The following OLFM4 variants were observed in gnomAD, a reference collection of about 807,000 sequenced individuals.
The protein encoded by OLFM4 is olfactomedin 4.
Under a neutral mutation model 25.5 loss-of-function variants are expected in OLFM4, and 22 were observed. The observed-to-expected ratio is 0.86, with a 90% CI of 0.62 to 1.23. OLFM4 has a LOEUF of 1.23. Ranked by LOEUF, OLFM4 falls within the 50% of genes most tolerant of loss-of-function variation. The probability of loss-of-function intolerance (pLI) is 0.00; values close to 1 mark genes in which losing one functional copy is unlikely to be tolerated. For missense variants in OLFM4, 594 were observed against 619.4 expected (o/e 0.96, Z 0.44); for synonymous variants, 255 against 237.7 (o/e 1.07, Z -0.67).
intron 2 of OLFM4, among the ~76,000 whole-genome samples, chr13:53,040,787 G>T (rs971264350): frequency 1.3e-5 from 2 of 152,186 alleles, no homozygotes; most frequent in Non-Finnish European, 2.9e-5. Flanking sequence ...GTTGAAGGGA[G>T]GAGAGATGGC....
At chr13:53,041,352 C>G (rs1954685799) in intron 2 of OLFM4, among the ~76,000 whole-genome samples, 1 of 152,088 alleles carries the variant, frequency 6.6e-6, no homozygotes, top group African/African-American at 2.4e-5. Flanking sequence ...AAGCCATTCT[C>G]CGAAGCAAAT....
At chr13:53,042,789 A>G (rs1954694500) in intron 3 of OLFM4, among the ~76,000 whole-genome samples, 2 of 152,218 alleles carry the variant, frequency 1.3e-5, no homozygotes, top group Admixed American at 6.5e-5. Flanking sequence ...ATACAACATG[A>G]GTAAACACAA....
In OLFM4 at chr13:53,045,603, T is replaced by C. The variant is rs558627530; in HGVS notation, c.730+2339T>C. On this transcript the variant is annotated intron_variant, in intron 4 of 4. Coordinates refer to ENST00000219022, the MANE Select transcript of OLFM4 (RefSeq NM_006418.5). ...TTTAAAATCTGGCCTGTCTGCTTTT[T>C]TCACTGCAGAGTTGCACAGAATAAA... 2.6e-5 allele frequency among the ~76,000 whole-genome samples: 4 copies of C among 152,272 alleles called. No individual in the cohort carries two copies. In the South Asian group the frequency reaches 8.3e-4, roughly 32 times the overall value.
At chr13:53,031,899 C>G (rs1388658094) in intron 1 of OLFM4, among the ~76,000 whole-genome samples, 1 of 152,196 alleles carries the variant, frequency 6.6e-6, no homozygotes. Flanking sequence ...GTCTCCCATC[C>G]CCCATGCTTC....
At chr13:53,043,334 G>T in intron 4 of OLFM4, 70 bp downstream of exon 4, 1 of 1,132,280 alleles carries the variant, frequency 8.8e-7, no homozygotes. Context: ...GTGGGGAAGG[G>T]ATTGGGGATT....
intron 4 of OLFM4, among the ~76,000 whole-genome samples, chr13:53,047,340 A>G (rs1954720949): frequency 6.6e-6 from 1 of 152,108 alleles, no homozygotes; most frequent in Non-Finnish European, 1.5e-5. Flanking sequence ...TGGGCACTGG[A>G]CTGGCTGTCA....
intron 2 of OLFM4, among the ~76,000 whole-genome samples, chr13:53,034,971 T>C (rs1421141058): frequency 6.6e-6 from 1 of 152,160 alleles, no homozygotes; most frequent in Non-Finnish European, 1.5e-5. Flanking sequence ...AGTTTCTTAT[T>C]TCTCTTGCCT....
intron 4 of OLFM4, among the ~76,000 whole-genome samples, chr13:53,045,392 CT>C (rs1954710812): frequency 6.6e-6 from 1 of 152,104 alleles, no homozygotes; most frequent in Non-Finnish European, 1.5e-5. Context: ...TCTCTTCCAG[CT>C]TTGTTCATAT....
chr13:53,033,315 CA>C (rs1469187631), intron 1 of OLFM4, among the ~76,000 whole-genome samples: 1 of 152,140 alleles, frequency 6.6e-6, no homozygotes, highest in African/African-American at 2.4e-5. Flanking sequence ...AAAAATTGCA[CA>C]AAACCTTCAA....
chr13:53,050,152 T>C lies in OLFM4; in HGVS notation c.914T>C (p.Leu305Pro), dbSNP rs112438032. The change falls in exon 5 of 5, where the codon CTG (leucine) becomes CCG (proline). Residue 305 changes from leucine to proline, a missense_variant. Coordinates refer to ENST00000219022, the MANE Select transcript of OLFM4 (RefSeq NM_006418.5). ...TDGRLLEYYR[L>P]YNTLDDLLLY... is the part of the protein sequence containing the mutation. Reference sequence around the variant, plus strand: ...GGGAGACTGTTGGAGTATTATAGACTGTACAACACACTGGATGATTTGCTA... The same window carrying C: ...GGGAGACTGTTGGAGTATTATAGACCGTACAACACACTGGATGATTTGCTA... 9.9e-6 allele frequency: 16 copies of C among 1,613,996 alleles called. No individual in the cohort carries two copies. Among genetic ancestry groups the C allele is most frequent in the Non-Finnish European group, 1.4e-5 (16 of 1,179,946 alleles).
In OLFM4 at chr13:53,034,311, A is replaced by G. The variant is rs763452877; in HGVS notation, c.205-37A>G. The G allele has an allele frequency of 5.6e-6, 9 of 1,600,898 alleles. No individual in the cohort carries two copies. The South Asian group carries it at 9.1e-5, about 16-fold the overall frequency. ...TCCAGTTGCCAAAAGCTCAGATTCC[A>G]GCTTGTTATTGATGTTCAACTTGTT... is the stretch of plus-strand genomic sequence containing the variant. On this transcript the variant is annotated intron_variant, in intron 1 of 4. Coordinates refer to ENST00000219022, the MANE Select transcript of OLFM4 (RefSeq NM_006418.5).
intron 2 of OLFM4, among the ~76,000 whole-genome samples, chr13:53,038,424 A>G (rs1954670759): frequency 6.6e-6 from 1 of 152,198 alleles, no homozygotes; most frequent in Admixed American, 6.5e-5. Flanking sequence ...CCAACTACAC[A>G]CTCAGGCTAT....
At chr13:53,035,928 G>T (rs1954655954) in intron 2 of OLFM4, among the ~76,000 whole-genome samples, 1 of 152,188 alleles carries the variant, frequency 6.6e-6, no homozygotes, top group African/African-American at 2.4e-5. Context: ...CTGCACAGGT[G>T]AAGTCCAAGC....
rs760278012 is a variant in OLFM4, at chr13:53,050,770, A to G, written c.1532A>G (p.Ter511=). 1.9e-6 allele frequency: 3 copies of G among 1,585,418 alleles called. No individual in the cohort carries two copies. The highest frequency in any genetic ancestry group is 1.7e-6 in the Non-Finnish European group (2 of 1,169,372). Residue 511 remains the stop codon, a stop_retained_variant, in exon 5 of 5, where the codon TAA becomes TGA. Coordinates refer to ENST00000219022, the MANE Select transcript of OLFM4 (RefSeq NM_006418.5). ...CTTTCTGTCTTGCAGAAGCCCCAGTAAGCTGTTTAGGAGTTAGGGTGAAAG... is the reference window on the plus strand; with the variant it reads ...CTTTCTGTCTTGCAGAAGCCCCAGTGAGCTGTTTAGGAGTTAGGGTGAAAG... The part of the protein sequence containing the change: ...YDLSVLQKPQ[*]
chr13:53,033,148 G>GTT (rs1196974071), intron 1 of OLFM4, among the ~76,000 whole-genome samples: 1 of 152,190 alleles, frequency 6.6e-6, no homozygotes, highest in Non-Finnish European at 1.5e-5. Context: ...TCTTGGGGAA[G>GTT]TTCAAAGGGG....
rs1184435043 is a variant in OLFM4 at position 53,043,368 on chromosome 13, G to GTTTTTTTTTTTTTTTTTTTTTTTT, written c.730+106_730+107insTTTTTTTTTTTTTTTTTTTTTTTT. On this transcript the variant is annotated intron_variant, in intron 4 of 4. Coordinates refer to ENST00000219022, the MANE Select transcript of OLFM4 (RefSeq NM_006418.5). ...TTGCAATGGTGAAAGAAGAAGGTGG[G>GTTTTTTTTTTTTTTTTTTTTTTTT]TTGTTTTTTTTTTTTTTTTTTCAGT... is the stretch of plus-strand genomic sequence containing the variant. The GTTTTTTTTTTTTTTTTTTTTTTTT allele has an allele frequency of 4.4e-6, 2 of 453,248 alleles. 1 individual carries two copies. 28.1% of individuals were successfully genotyped at this position (453,248 alleles called of 1,614,324 possible).
chr13:53,043,349 T>G, intron 4 of OLFM4, 85 bp downstream of exon 4: 7 of 979,604 alleles, frequency 7.1e-6, no homozygotes, highest in East Asian at 3.0e-5. Flanking sequence ...GGGATTGCAA[T>G]GGTGAAAGAA....
chr13:53,033,714 C>T (rs1954640951), intron 1 of OLFM4, among the ~76,000 whole-genome samples: 1 of 152,186 alleles, frequency 6.6e-6, no homozygotes, highest in East Asian at 1.9e-4. Context: ...TTAGCACTCT[C>T]ATAGCTTCTT....
chr13:53,029,412 C>A (rs1291160264), intron 1 of OLFM4, among the ~76,000 whole-genome samples: 1 of 152,110 alleles, frequency 6.6e-6, no homozygotes, highest in Admixed American at 6.5e-5. Flanking sequence ...AACCTCTCCC[C>A]AGGTGATTCT....
Sources: allele counts gnomAD v4.1 joint callset (sites outside exome capture counted in the v4.1 genomes callset), GRCh38; gene constraint gnomAD v4.1.1; transcripts MANE v1.5; gene names NCBI Gene and HGNC (gene_info 2026-07-23, HGNC 2026-07-21).